The following TACC1 variants were observed in gnomAD, a reference collection of about 807,000 sequenced individuals.
TACC1 encodes the protein transforming acidic coiled-coil-containing protein 1.
In TACC1, 48 loss-of-function variants were observed where a neutral mutation model predicts 84.4. The ratio of observed to expected loss-of-function variants is 0.57; its 90% CI spans 0.45 to 0.72. TACC1 has a LOEUF of 0.72. TACC1 is among the 30% of genes least tolerant of loss of function. The pLI, the probability that TACC1 is intolerant of heterozygous loss-of-function variation, is 0.00. For missense variants in TACC1, 920 were observed against 973.0 expected (o/e 0.95, Z 0.72); for synonymous variants, 372 against 376.3 (o/e 0.99, Z 0.13).
At chr8:38,788,133 C>T (rs1817739684) in intron 1 of TACC1, 2 of 204,144 alleles carry the variant, frequency 9.8e-6, no homozygotes, top group Non-Finnish European at 2.0e-5. Context: ...TCCCGGGGCC[C>T]TACCGTGTAC....
At chr8:38,754,294 C>T (rs1299545240) in intron 3 of TACC1, among the ~76,000 whole-genome samples, 2 of 152,066 alleles carry the variant, frequency 1.3e-5, no homozygotes, top group Non-Finnish European at 2.9e-5. Context: ...CCACCCTGTG[C>T]CTTTCTGCAC....
At chr8:38,778,638 G>A (rs974199421) in intron 3 of TACC1, among the ~76,000 whole-genome samples, 7 of 152,164 alleles carry the variant, frequency 4.6e-5, no homozygotes. Context: ...TGTTCATGGG[G>A]TCCTTTAGCA....
intron 11 of TACC1, among the ~76,000 whole-genome samples, chr8:38,845,755 T>A (rs982521726): frequency 1.4e-4 from 22 of 152,348 alleles, no homozygotes; most frequent in East Asian, 5.8e-4. Context: ...CACTTTAAAT[T>A]GCCCTGGTGA....
intron 3 of TACC1, among the ~76,000 whole-genome samples, chr8:38,755,253 A>G (rs72636133): frequency 0.014 from 2,117 of 152,208 alleles, 17 homozygotes; most frequent in Middle Eastern, 0.027. Context: ...GTAGTCACAT[A>G]TATCTTTATT....
chr8:38,754,658 T>C (rs1809667459), intron 3 of TACC1, among the ~76,000 whole-genome samples: 1 of 152,184 alleles, frequency 6.6e-6, no homozygotes. Flanking sequence ...AAAAGAAAAT[T>C]ATCTGCCAAG....
chr8:38,817,699 T>TC (rs1392510062), intron 2 of TACC1, among the ~76,000 whole-genome samples: 2 of 151,978 alleles, frequency 1.3e-5, no homozygotes, highest in Non-Finnish European at 2.9e-5. Context: ...TTGTAGAATA[T>TC]CTGAAGTATG....
chr8:38,761,266 A>G (rs1259890398), intron 3 of TACC1, among the ~76,000 whole-genome samples: 1 of 152,176 alleles, frequency 6.6e-6, no homozygotes, highest in East Asian at 1.9e-4. Context: ...ACAAAGCAGA[A>G]CCTGTGATTC....
rs771533215 is a variant in TACC1 at position 38,838,453 on chromosome 8, G to A, written c.1840-17G>A. On this transcript the variant is annotated splice_polypyrimidine_tract_variant and intron_variant, in intron 7 of 12. Transcript: ENST00000317827. ...ATTGTAATAGATTGGGTAAAACTAA[G>A]CTTTATTGTACTCTAGATAATTACT... 1.2e-5 allele frequency: 19 copies of A among 1,594,072 alleles called. No homozygotes were observed. Among genetic ancestry groups the A allele is most frequent in the Non-Finnish European group, 1.5e-5 (18 of 1,162,454 alleles).
intron 3 of TACC1, among the ~76,000 whole-genome samples, chr8:38,775,422 T>G (rs1337993763): frequency 6.6e-6 from 1 of 152,234 alleles, no homozygotes; most frequent in Admixed American, 6.5e-5. Flanking sequence ...TATAATTGCC[T>G]GGGTGGTTTA....
rs192528321 is a variant in TACC1, at chr8:38,743,622, C to T, written c.-574+1171C>T. Among the ~76,000 whole-genome samples, 16 of 152,262 alleles carry T rather than the reference C, an allele frequency of 1.1e-4. No individual in the cohort carries two copies. In the East Asian group the frequency reaches 3.1e-3, roughly 29 times the overall value. ...TACAAGATAATGGTACTCTTTTTCTCCTCAATTTAATAATGAGTATTAATT... is the reference window on the plus strand; with the variant it reads ...TACAAGATAATGGTACTCTTTTTCTTCTCAATTTAATAATGAGTATTAATT... On this transcript the variant is annotated intron_variant, in intron 2 of 14. Transcript: ENST00000518415.
intron 5 of TACC1, among the ~76,000 whole-genome samples, chr8:38,830,196 T>C (rs1350066876): frequency 1.3e-5 from 2 of 152,240 alleles, no homozygotes; most frequent in Admixed American, 6.5e-5. Context: ...ATGTGGAGGA[T>C]TGTAACTTTA....
chr8:38,838,660 G>T (rs1830675139), intron 8 of TACC1, 114 bp downstream of exon 8: 1 of 820,648 alleles, frequency 1.2e-6, no homozygotes, highest in Non-Finnish European at 2.0e-6. Flanking sequence ...GAGAGCTTGA[G>T]GGCTTTGCTG....
rs141045381 is a variant in TACC1, at chr8:38,737,282, C to A, written c.-674-5069C>A. Among the ~76,000 whole-genome samples the A allele has an allele frequency of 9.9e-5, 15 of 152,272 alleles. No homozygotes were observed. In the East Asian group the frequency reaches 2.5e-3, roughly 25 times the overall value. On this transcript the variant is annotated intron_variant, in intron 1 of 14. Transcript: ENST00000518415. ...GTGAGAATTCTTTGTAGGAATTCTA[C>A]CCCCAATAGTTTCATTTACTGAAAG...
At chr8:38,794,917 GTT>G (rs1819616951) in intron 2 of TACC1, among the ~76,000 whole-genome samples, 2 of 152,280 alleles carry the variant, frequency 1.3e-5, no homozygotes, top group Non-Finnish European at 2.9e-5. Context: ...AATTTTTAAT[GTT>G]TTGCTGTGAT....
Position 38,842,461 on chromosome 8 carries a change from T to A in TACC1, c.2121+14T>A. The stretch of plus-strand genomic sequence containing the variant: ...GGGTTCAAGAAGGTAGAGTGTTTTT[T>A]CCCTCTGTCTCCTGGTGTATTTCCA... On this transcript the variant is annotated intron_variant, in intron 10 of 12. Coordinates refer to ENST00000317827, the MANE Select transcript of TACC1 (RefSeq NM_006283.3). The A allele has an allele frequency of 8.8e-6, 14 of 1,595,430 alleles. No homozygotes were observed. Among genetic ancestry groups the A allele is most frequent in the Non-Finnish European group, 1.2e-5 (14 of 1,171,350 alleles).
rs144144188 is a variant in TACC1, at chr8:38,852,169, C to A, written c.*4146C>A. 4.5e-3 allele frequency: 1,317 copies of A among 290,228 alleles called. 3 individuals carry two copies. Among genetic ancestry groups the A allele is most frequent in the Admixed American group, 9.7e-3 (224 of 23,114 alleles). 18.0% of individuals were successfully genotyped at this position (290,228 alleles called of 1,614,324 possible). ...TGTAGTTTTTTGTCCAAATGCAATCCCATTTCTGTGCCTCTTAGCATGCAG... is the reference window on the plus strand; with the variant it reads ...TGTAGTTTTTTGTCCAAATGCAATCACATTTCTGTGCCTCTTAGCATGCAG... On this transcript the variant is annotated 3_prime_UTR_variant, in exon 13 of 13. Transcript: ENST00000317827.
At chr8:38,728,638 C>G (rs1804293253), upstream of TACC1, 1 of 152,332 alleles carries the variant, frequency 6.6e-6, no homozygotes, top group Non-Finnish European at 1.5e-5. Context: ...GGGAGCGACC[C>G]TGGGGACCGA....
chr8:38,818,575 T>C (rs1432821520), intron 2 of TACC1, among the ~76,000 whole-genome samples: 2 of 152,254 alleles, frequency 1.3e-5, no homozygotes, highest in African/African-American at 2.4e-5. Flanking sequence ...AAAAAATAAC[T>C]TTATTGTTTT....
chr8:38,766,211 T>C (rs1812216107), intron 3 of TACC1, among the ~76,000 whole-genome samples: 2 of 152,230 alleles, frequency 1.3e-5, no homozygotes, highest in African/African-American at 4.8e-5. Flanking sequence ...ATTGCTTCAT[T>C]CCCAGAACAC....
Sources: allele counts gnomAD v4.1 joint callset (sites outside exome capture counted in the v4.1 genomes callset), GRCh38; gene constraint gnomAD v4.1.1; transcripts MANE v1.5; gene names NCBI Gene and HGNC (gene_info 2026-07-23, HGNC 2026-07-21).